The following ADAM12 variants were observed in gnomAD, a reference collection of about 807,000 sequenced individuals.
ADAM12 encodes ADAM metallopeptidase domain 12.
Under a neutral mutation model 106.4 loss-of-function variants are expected in ADAM12, and 70 were observed. The ratio of observed to expected loss-of-function variants is 0.66; its 90% confidence interval spans 0.54 to 0.80. ADAM12 has a LOEUF of 0.80. Ranked by LOEUF, ADAM12 falls within the 30% of genes least tolerant of loss-of-function variation. ADAM12 has a pLI of 0.00. For missense variants in ADAM12, 1,010 were observed against 1,171.9 expected (o/e 0.86, Z 2.02); for synonymous variants, 420 against 433.5 (o/e 0.97, Z 0.39).
chr10:126,212,554 T>C (rs1455667416), intron 3 of ADAM12, among the ~76,000 whole-genome samples: 1 of 152,138 alleles, frequency 6.6e-6, no homozygotes, highest in Non-Finnish European at 1.5e-5. Flanking sequence ...CTCTTTATTT[T>C]ATTTTATTTT....
At chr10:126,021,608 A>AT (rs1163646167) in intron 21 of ADAM12, among the ~76,000 whole-genome samples, 1 of 152,156 alleles carries the variant, frequency 6.6e-6, no homozygotes, top group Non-Finnish European at 1.5e-5. Flanking sequence ...AATAGAAAAA[A>AT]TTCCCTAGCT....
intron 3 of ADAM12, among the ~76,000 whole-genome samples, chr10:126,278,377 C>T (rs180762735): frequency 1.3e-5 from 2 of 152,154 alleles, no homozygotes; most frequent in African/African-American, 2.4e-5. Flanking sequence ...AGTATCCAAG[C>T]GGCCCAGAAA....
Position 126,166,116 on chromosome 10 carries a change from T to C in ADAM12, c.261-10811A>G, listed in dbSNP as rs1957019378. 3.3e-5 allele frequency among the ~76,000 whole-genome samples: 5 copies of C among 152,224 alleles called. 1 individual carries two copies. The South Asian group carries it at 1.0e-3, about 32-fold the overall frequency. On this transcript the variant is annotated intron_variant, in intron 3 of 22. Coordinates refer to ENST00000448723, the MANE Select transcript of ADAM12 (RefSeq NM_001288973.2). ...CAACAAAGTTTCCTGCAAAATAACT[T>C]CTTAATATACTGCTTCACTATAAGT...
chr10:126,259,721 T>C (rs1316185635), intron 3 of ADAM12, among the ~76,000 whole-genome samples: 2 of 152,192 alleles, frequency 1.3e-5, no homozygotes, highest in African/African-American at 4.8e-5. Flanking sequence ...GGGAATAAAG[T>C]CACTCTCTGA....
intron 22 of ADAM12, 73 bp from the exon 23 acceptor site, chr10:126,017,412 G>A: frequency 7.2e-7 from 1 of 1,383,816 alleles, no homozygotes; most frequent in South Asian, 1.3e-5. Context: ...GAGGTCTGGG[G>A]TTGGAGATGT....
intron 3 of ADAM12, among the ~76,000 whole-genome samples, chr10:126,174,008 A>ATTTTTTTTTTTTTTTTTTTTTTTT (rs200354475): frequency 1.1e-5 from 1 of 90,466 alleles, no homozygotes; most frequent in African/African-American, 5.4e-5. Flanking sequence ...TCTGTTGTTG[A>ATTTTTTTTTTTTTTTTTTTTTTTT]TTTTTTTTTT....
intron 2 of ADAM12, among the ~76,000 whole-genome samples, chr10:126,279,957 G>A (rs1016524973): frequency 2.3e-4 from 35 of 152,258 alleles, no homozygotes; most frequent in African/African-American, 8.4e-4. Context: ...TTCGGTACTA[G>A]GCTTGTATGA....
At chr10:126,376,525 CAATA>C (rs1387362041) in intron 1 of ADAM12, among the ~76,000 whole-genome samples, 1 of 152,066 alleles carries the variant, frequency 6.6e-6, no homozygotes, top group Admixed American at 6.5e-5. Flanking sequence ...TCTAAAGTGA[CAATA>C]AATCTATTAG....
intron 3 of ADAM12, among the ~76,000 whole-genome samples, chr10:126,158,312 G>GC (rs1565102355): frequency 1.1e-4 from 17 of 151,612 alleles, no homozygotes; most frequent in Non-Finnish European, 1.9e-4. Context: ...CAGAGCACAG[G>GC]GGGAGGCACA....
At chr10:126,167,715 C>T (rs1001199424) in intron 3 of ADAM12, among the ~76,000 whole-genome samples, 1 of 152,226 alleles carries the variant, frequency 6.6e-6, no homozygotes, top group Admixed American at 6.5e-5. Flanking sequence ...AAGTGAACCT[C>T]GAATTCATTT....
chr10:126,141,425 A>G (rs1395525936), intron 4 of ADAM12, among the ~76,000 whole-genome samples: 1 of 152,192 alleles, frequency 6.6e-6, no homozygotes, highest in Non-Finnish European at 1.5e-5. Flanking sequence ...ACAACACAGA[A>G]AAAGAGCCCC....
chr10:126,035,686 A>G (rs1954046539), intron 21 of ADAM12, among the ~76,000 whole-genome samples: 1 of 149,906 alleles, frequency 6.7e-6, no homozygotes, highest in African/African-American at 2.5e-5. Flanking sequence ...ATACATAAAC[A>G]ATACAGTGCT....
chr10:126,132,195 G>T (rs550132125), intron 5 of ADAM12, among the ~76,000 whole-genome samples: 2 of 152,054 alleles, frequency 1.3e-5, no homozygotes, highest in African/African-American at 4.8e-5. Context: ...GAATGGTCTC[G>T]ATCTCTTGAC....
chr10:126,033,587 A>G (rs1266691007), intron 21 of ADAM12, among the ~76,000 whole-genome samples: 1 of 152,210 alleles, frequency 6.6e-6, no homozygotes, highest in Non-Finnish European at 1.5e-5. Flanking sequence ...CAGTCCAGAA[A>G]CACAGAAGTG....
intron 2 of ADAM12, among the ~76,000 whole-genome samples, chr10:126,317,902 AT>A (rs529809468): frequency 3.2e-4 from 49 of 152,214 alleles, no homozygotes; most frequent in African/African-American, 1.1e-3. Flanking sequence ...GCCATTTTAA[AT>A]TAATTATGTG....
chr10:126,209,455 T>C lies in ADAM12; in HGVS notation c.261-54150A>G, dbSNP rs559636170. Among the ~76,000 whole-genome samples, 94 of 152,320 alleles carry C rather than the reference T, an allele frequency of 6.2e-4. 1 individual carries two copies. The South Asian group carries it at 0.018, about 29-fold the overall frequency. On this transcript the variant is annotated intron_variant, in intron 3 of 22. Transcript: ENST00000448723. ...ATTCTTTAGAATTTATAAGGATAATTGATGGTGAGAAAAATAAATCACTGG... is the reference window on the plus strand; with the variant it reads ...ATTCTTTAGAATTTATAAGGATAATCGATGGTGAGAAAAATAAATCACTGG...
intron 3 of ADAM12, among the ~76,000 whole-genome samples, chr10:126,257,599 A>G (rs1486327423): frequency 1.3e-5 from 2 of 152,214 alleles, no homozygotes; most frequent in Non-Finnish European, 2.9e-5. Context: ...TATAAAGGAA[A>G]ATGGGGAAAT....
At chr10:126,222,443 G>A (rs537795367) in intron 3 of ADAM12, among the ~76,000 whole-genome samples, 16 of 151,378 alleles carry the variant, frequency 1.1e-4, no homozygotes, top group Admixed American at 5.9e-4. Context: ...CTTATCCCAC[G>A]GGGTGGTTGG....
In ADAM12 at chr10:126,021,271, A is replaced by G. The variant is rs145244609; in HGVS notation, c.2530-1446T>C. ...TAACCAAGTGCTTCAATTCACCATCATAGGACCCAGTATATATCTAGCAAC... is the reference window on the plus strand; with the variant it reads ...TAACCAAGTGCTTCAATTCACCATCGTAGGACCCAGTATATATCTAGCAAC... On this transcript the variant is annotated intron_variant, in intron 21 of 22. Coordinates refer to ENST00000448723, the MANE Select transcript of ADAM12 (RefSeq NM_001288973.2). Among the ~76,000 whole-genome samples, 37 of 152,358 alleles carry G rather than the reference A, an allele frequency of 2.4e-4. No homozygotes were observed. In the East Asian group the frequency reaches 6.8e-3, roughly 28 times the overall value.
Sources: gnomAD v4.1 joint callset for allele counts (sites outside exome capture counted in the v4.1 genomes callset) on GRCh38, gnomAD v4.1.1 for gene constraint, MANE v1.5 for transcripts, NCBI Gene and HGNC (gene_info 2026-07-23, HGNC 2026-07-21) for gene names.